The following FHOD3 variants were observed in gnomAD, a reference collection of about 807,000 sequenced individuals.
FHOD3 encodes the protein formin homology 2 domain containing 3, also known as FH1/FH2 domain-containing protein 3.
A neutral mutation model predicts 173.0 loss-of-function variants in FHOD3; 90 were observed. The ratio of observed to expected loss-of-function variants is 0.52; its 90% CI spans 0.44 to 0.62. FHOD3 has a LOEUF of 0.62. Ranked by LOEUF, FHOD3 falls within the 20% of genes least tolerant of loss-of-function variation. FHOD3 has a pLI of 0.00. For missense variants in FHOD3, 1,945 were observed against 2,034.7 expected (o/e 0.96, Z 0.85); for synonymous variants, 828 against 823.0 (o/e 1.01, Z -0.10).
intron 6 of FHOD3, among the ~76,000 whole-genome samples, chr18:36,586,373 A>C (rs1226070516): frequency 1.3e-5 from 2 of 152,224 alleles, no homozygotes; most frequent in African/African-American, 4.8e-5. Context: ...AATCTTGTTG[A>C]TTTCCCTCAA....
intron 1 of FHOD3, among the ~76,000 whole-genome samples, chr18:36,311,423 G>A (rs1259401230): frequency 6.6e-6 from 1 of 152,136 alleles, no homozygotes; most frequent in Non-Finnish European, 1.5e-5. Flanking sequence ...CCAAGGGCTG[G>A]CAAAATGGTG....
intron 9 of FHOD3, among the ~76,000 whole-genome samples, chr18:36,621,788 T>C (rs2148748372): frequency 6.6e-6 from 1 of 152,278 alleles, no homozygotes. Context: ...AAAAAACTGT[T>C]CAAGCATTAA....
At chr18:36,562,502 G>A (rs2058122870) in intron 5 of FHOD3, among the ~76,000 whole-genome samples, 1 of 152,196 alleles carries the variant, frequency 6.6e-6, no homozygotes, top group Non-Finnish European at 1.5e-5. Context: ...TATCAAACAT[G>A]CAGCTGTGCA....
chr18:36,413,245 C>A (rs763007575), intron 3 of FHOD3, among the ~76,000 whole-genome samples: 1 of 152,226 alleles, frequency 6.6e-6, no homozygotes, highest in African/African-American at 2.4e-5. Flanking sequence ...GATGTCACAA[C>A]TCCTCAGGGG....
intron 1 of FHOD3, among the ~76,000 whole-genome samples, chr18:36,308,276 T>G (rs942140713): frequency 2.0e-5 from 3 of 152,216 alleles, no homozygotes; most frequent in African/African-American, 4.8e-5. Context: ...GTTGCTGAGT[T>G]GAAGGATAAA....
intron 17 of FHOD3, 50 bp downstream of exon 17, chr18:36,693,473 G>C (rs2039083446): frequency 2.0e-6 from 3 of 1,520,880 alleles, no homozygotes; most frequent in African/African-American, 1.4e-5. Flanking sequence ...CATCAGACAG[G>C]CTTCCTCAGG....
intron 2 of FHOD3, 55 bp downstream of exon 2, chr18:36,355,700 T>C (rs2046327617): frequency 2.1e-6 from 3 of 1,407,126 alleles, no homozygotes; most frequent in Non-Finnish European, 3.0e-6. Context: ...GAAATGGGGG[T>C]ACATTGAGGC....
chr18:36,560,631 A>C (rs1481144268), intron 5 of FHOD3, among the ~76,000 whole-genome samples: 2 of 152,154 alleles, frequency 1.3e-5, no homozygotes, highest in Non-Finnish European at 2.9e-5. Flanking sequence ...CAAATGCTGC[A>C]ACTGTTTGCA....
intron 19 of FHOD3, among the ~76,000 whole-genome samples, chr18:36,720,164 G>A (rs2040679833): frequency 6.6e-6 from 1 of 151,716 alleles, no homozygotes; most frequent in Admixed American, 6.6e-5. Context: ...CCCACTCTTG[G>A]TGTGTCTGTG....
chr18:36,664,676 C>G (rs1568571954), intron 14 of FHOD3, among the ~76,000 whole-genome samples: 1 of 151,934 alleles, frequency 6.6e-6, no homozygotes, highest in East Asian at 1.9e-4. Flanking sequence ...CCCACCATTC[C>G]TACTCCCATC....
chr18:36,649,810 A>G (rs765083033), intron 11 of FHOD3, among the ~76,000 whole-genome samples: 1 of 152,208 alleles, frequency 6.6e-6, no homozygotes, highest in Non-Finnish European at 1.5e-5. Context: ...TACCAGCACA[A>G]TATTAGCTAA....
intron 9 of FHOD3, among the ~76,000 whole-genome samples, chr18:36,621,223 G>A (rs1178437514): frequency 1.3e-5 from 2 of 152,168 alleles, no homozygotes; most frequent in Non-Finnish European, 2.9e-5. Flanking sequence ...GGCATCTTAA[G>A]GCTGAAGACT....
intron 1 of FHOD3, among the ~76,000 whole-genome samples, chr18:36,352,092 G>A (rs1245302800): frequency 1.3e-5 from 2 of 152,020 alleles, no homozygotes; most frequent in Non-Finnish European, 2.9e-5. Context: ...AATTTCGTGA[G>A]CCACTTTTCA....
At chr18:36,349,180 G>T (rs1328114884) in intron 1 of FHOD3, among the ~76,000 whole-genome samples, 1 of 152,186 alleles carries the variant, frequency 6.6e-6, no homozygotes, top group Admixed American at 6.5e-5. Flanking sequence ...GTGAGCGGGG[G>T]TGGCAGGAGC....
chr18:36,665,102 A>C (rs918649793), intron 14 of FHOD3, among the ~76,000 whole-genome samples: 5 of 152,118 alleles, frequency 3.3e-5, no homozygotes, highest in African/African-American at 1.2e-4. Flanking sequence ...CAAAAAAGAA[A>C]ATGTATATTG....
intron 14 of FHOD3, among the ~76,000 whole-genome samples, chr18:36,659,597 C>T (rs2036643791): frequency 6.6e-6 from 1 of 152,202 alleles, no homozygotes; most frequent in Non-Finnish European, 1.5e-5. Flanking sequence ...GAACCAGGCT[C>T]TGTTCATTGG....
At chr18:36,679,769 T>A (rs2038113885) in intron 14 of FHOD3, among the ~76,000 whole-genome samples, 1 of 152,224 alleles carries the variant, frequency 6.6e-6, no homozygotes, top group Non-Finnish European at 1.5e-5. Flanking sequence ...AACCAGTTTG[T>A]GGCATTCATT....
intron 3 of FHOD3, among the ~76,000 whole-genome samples, chr18:36,418,270 AT>A (rs2049781434): frequency 2.0e-5 from 3 of 152,210 alleles, no homozygotes; most frequent in African/African-American, 7.2e-5. Context: ...TCACATTTTC[AT>A]GTACTCTGAA....
chr18:36,740,908 C>G, intron 21 of FHOD3, 70 bp downstream of exon 21: 2 of 1,445,922 alleles, frequency 1.4e-6, no homozygotes, highest in Non-Finnish European at 1.9e-6. Context: ...TTTCATTGAT[C>G]AGTACTAAGG....
Sources: gnomAD v4.1 joint callset for allele counts (sites outside exome capture counted in the v4.1 genomes callset) on GRCh38, gnomAD v4.1.1 for gene constraint, MANE v1.5 for transcripts, NCBI Gene and HGNC (gene_info 2026-07-23, HGNC 2026-07-21) for gene names.